Variants in FMN2 observed in about 807,000 individuals in gnomAD.
FMN2 encodes the protein formin 2, also known as formin-2.
FMN2 carries 51 observed loss-of-function variants against 142.3 expected under a neutral mutation model. That is an observed-to-expected ratio of 0.36 (90% CI 0.29 to 0.45). The LOEUF is 0.45. FMN2 is among the 20% of genes least tolerant of loss of function. FMN2 has a pLI of 1.00. For synonymous variants in FMN2, 882 were observed against 869.8 expected, an observed-to-expected ratio of 1.01 and a Z score of -0.25; for missense variants, 1,936 against 2,122.8, an observed-to-expected ratio of 0.91 and a Z score of 1.73.
chr1:240,223,001 G>A (rs1380240334), intron 6 of FMN2, among the ~76,000 whole-genome samples: 4 of 152,130 alleles, frequency 2.6e-5, no homozygotes, highest in Non-Finnish European at 5.9e-5. Context: ...GATTGCCCTG[G>A]CCAGAACTTT....
intron 2 of FMN2, among the ~76,000 whole-genome samples, chr1:240,146,474 G>A (rs998913899): frequency 1.3e-5 from 2 of 151,556 alleles, no homozygotes; most frequent in Non-Finnish European, 2.9e-5. Flanking sequence ...AGGCCAAGGC[G>A]GGCAGATCAC....
intron 4 of FMN2, among the ~76,000 whole-genome samples, chr1:240,205,676 T>C (rs937780337): frequency 4.6e-5 from 7 of 151,744 alleles, no homozygotes; most frequent in African/African-American, 1.7e-4. Flanking sequence ...TTAGCCAGGA[T>C]TGCCTCGATC....
chr1:240,426,900 G>T (rs544656948), intron 15 of FMN2, among the ~76,000 whole-genome samples: 1 of 151,552 alleles, frequency 6.6e-6, no homozygotes, highest in Non-Finnish European at 1.5e-5. Flanking sequence ...CACCATGCCC[G>T]GCTAATTTTT....
At chr1:240,289,255 T>A (rs1438171528) in intron 7 of FMN2, among the ~76,000 whole-genome samples, 5 of 152,126 alleles carry the variant, frequency 3.3e-5, no homozygotes, top group African/African-American at 1.2e-4. Flanking sequence ...GAGAGACTGC[T>A]CCAGTCCTGT....
At chr1:240,265,011 A>G (rs978245767) in intron 7 of FMN2, among the ~76,000 whole-genome samples, 10 of 152,106 alleles carry the variant, frequency 6.6e-5, no homozygotes, top group Non-Finnish European at 1.2e-4. Context: ...TGGGCATCCA[A>G]TTTTTTTGAG....
chr1:240,265,505 C>T (rs745598298), intron 7 of FMN2, among the ~76,000 whole-genome samples: 5 of 152,112 alleles, frequency 3.3e-5, no homozygotes, highest in Non-Finnish European at 7.4e-5. Context: ...TGTTTCAATA[C>T]ACAAATGCTT....
chr1:240,416,258 C>T (rs958122288), intron 15 of FMN2, among the ~76,000 whole-genome samples: 1 of 122,864 alleles, frequency 8.1e-6, no homozygotes, highest in Admixed American at 1.0e-4. Context: ...ATTCCCTTTC[C>T]ACTCTTTTTT....
At chr1:240,395,419 G>T (rs190596668) in intron 15 of FMN2, among the ~76,000 whole-genome samples, 7 of 152,270 alleles carry the variant, frequency 4.6e-5, no homozygotes, top group Non-Finnish European at 7.4e-5. Flanking sequence ...CATTTGGTAA[G>T]GCTATAGCTG....
At chr1:240,184,023 C>T (rs775466848) in intron 3 of FMN2, among the ~76,000 whole-genome samples, 8 of 151,900 alleles carry the variant, frequency 5.3e-5, no homozygotes, top group Non-Finnish European at 1.0e-4. Context: ...GTTTATTTTC[C>T]ATTCTTAGCT....
chr1:240,232,326 G>A (rs1029204205), intron 6 of FMN2, among the ~76,000 whole-genome samples: 1 of 146,866 alleles, frequency 6.8e-6, no homozygotes, highest in Non-Finnish European at 1.5e-5. Context: ...TCCTGACCTC[G>A]TGATCCACCC....
intron 2 of FMN2, among the ~76,000 whole-genome samples, chr1:240,154,129 A>AAAAG (rs3047192): frequency 0.062 from 6,235 of 100,908 alleles, 519 homozygotes; most frequent in African/African-American, 0.093. Context: ...AAAAAAAAAA[A>AAAAG]AAGTGTTACT....
At chr1:240,144,918 A>T (rs1008251739) in intron 2 of FMN2, 3 of 1,347,512 alleles carry the variant, frequency 2.2e-6, no homozygotes, top group African/African-American at 2.9e-5. Flanking sequence ...TGACTCCATG[A>T]TGCCAATTCC....
intron 6 of FMN2, among the ~76,000 whole-genome samples, chr1:240,212,598 T>C (rs1666734462): frequency 6.6e-6 from 1 of 152,226 alleles, no homozygotes; most frequent in African/African-American, 2.4e-5. Context: ...AGAAGGTTAC[T>C]CATTTCATAA....
chr1:240,297,479 C>T (rs1288152094), intron 8 of FMN2, among the ~76,000 whole-genome samples: 3 of 151,180 alleles, frequency 2.0e-5, no homozygotes, highest in African/African-American at 4.9e-5. Flanking sequence ...ACGTGTAATC[C>T]CAGCTACTCG....
At chr1:240,205,891 C>CT (rs57803350) in intron 4 of FMN2, among the ~76,000 whole-genome samples, 4,833 of 120,322 alleles carry the variant, frequency 0.04, 217 homozygotes, top group African/African-American at 0.072. Context: ...TATCAGCCAT[C>CT]TTTTTTTTTT....
chr1:240,093,391 T>C lies in FMN2; in HGVS notation c.1282T>C (p.Ser428Pro). The C allele has an allele frequency of 6.2e-7, 1 of 1,613,056 alleles. No individual in the cohort carries two copies. The highest frequency in any genetic ancestry group is 8.5e-7 in the Non-Finnish European group (1 of 1,179,594). ...CAAGACCACCACCCGGCAGCTCAGC[T>C]CGCCCAATCACTCCCCGTCTCAGTC... ...YIKTTTRQLS[S>P]PNHSPSQSPN... The change falls in exon 1 of 18, where the codon TCG becomes CCG. Residue 428 changes from serine to proline, a missense_variant. Ser to Pro is a moderately conservative substitution (Grantham distance 74). Transcript: ENST00000319653.
chr1:240,411,003 A>AT (rs1248238085), intron 15 of FMN2, among the ~76,000 whole-genome samples: 1 of 151,852 alleles, frequency 6.6e-6, no homozygotes, highest in Non-Finnish European at 1.5e-5. Flanking sequence ...CAATTAAGGC[A>AT]TTTTCTGTTA....
At chr1:240,185,330 T>C (rs1408422092) in intron 3 of FMN2, among the ~76,000 whole-genome samples, 1 of 152,196 alleles carries the variant, frequency 6.6e-6, no homozygotes, top group African/African-American at 2.4e-5. Context: ...TACATCTCTT[T>C]CATGTTAAAA....
Position 240,437,593 on chromosome 1 carries a change from C to T in FMN2, c.4911-468C>T, listed in dbSNP as rs180816250. Among the ~76,000 whole-genome samples the T allele has an allele frequency of 2.7e-3, 410 of 152,256 alleles. 5 individuals carry two copies. Among genetic ancestry groups the T allele is most frequent in the Middle Eastern group, 0.01 (3 of 294 alleles). ...CTGGGATTACAGGCGTGAGCCACCG[C>T]GCCGGGCTGGGACTCTTGCTTTTAT... is the stretch of plus-strand genomic sequence containing the variant. On this transcript the variant is annotated intron_variant, in intron 15 of 17. Transcript: ENST00000319653.
Sources: gnomAD v4.1 joint callset for allele counts (sites outside exome capture counted in the v4.1 genomes callset) on GRCh38, gnomAD v4.1.1 for gene constraint, MANE v1.5 for transcripts, NCBI Gene and HGNC (gene_info 2026-07-23, HGNC 2026-07-21) for gene names.